Variants in PHLPP1 observed in about 807,000 individuals in gnomAD.
PHLPP1 encodes PH domain leucine-rich repeat-containing protein phosphatase 1.
A neutral mutation model predicts 117.2 loss-of-function variants in PHLPP1; 42 were observed. The ratio of observed to expected loss-of-function variants is 0.36; its 90% CI spans 0.28 to 0.46. The LOEUF is 0.46. PHLPP1 is among the 20% of genes least tolerant of loss of function. The pLI is 1.00. For missense variants in PHLPP1, 2,084 were observed against 2,241.9 expected, an observed-to-expected ratio of 0.93 and a Z score of 1.42; for synonymous variants, 1,042 against 970.7, an observed-to-expected ratio of 1.07 and a Z score of -1.37.
rs183402551 is a variant in PHLPP1 at position 62,836,553 on chromosome 18, T to A, written c.1774-2231T>A. Among the ~76,000 whole-genome samples the A allele has an allele frequency of 1.5e-3, 232 of 152,126 alleles. 1 individual carries two copies. Among genetic ancestry groups the A allele is most frequent in the African/African-American group, 5.4e-3 (224 of 41,530 alleles). On this transcript the variant is annotated intron_variant, in intron 2 of 16. Coordinates refer to ENST00000262719, the MANE Select transcript of PHLPP1 (RefSeq NM_194449.4). ...AAATCTTTGTGACCATGGTTACCTGTAAGTTTCCTTTCTGTTACTGTTCTC... is the reference window on the plus strand; with the variant it reads ...AAATCTTTGTGACCATGGTTACCTGAAAGTTTCCTTTCTGTTACTGTTCTC...
chr18:62,853,623 G>A (rs1191894884), intron 3 of PHLPP1, among the ~76,000 whole-genome samples: 2 of 152,116 alleles, frequency 1.3e-5, no homozygotes, highest in African/African-American at 4.8e-5. Flanking sequence ...GCCCCCCTCG[G>A]CCCCACAAAG....
intron 4 of PHLPP1, among the ~76,000 whole-genome samples, chr18:62,879,432 G>A (rs1916122474): frequency 6.6e-6 from 1 of 151,874 alleles, no homozygotes; most frequent in South Asian, 2.1e-4. Context: ...GTGTGTGTGT[G>A]TCAGAGTCTT....
At position 62,943,425 on chromosome 18, in the gene PHLPP1, G is replaced by A. The variant is rs544291175; in HGVS notation, c.3161+1507G>A. 5.9e-5 allele frequency among the ~76,000 whole-genome samples: 9 copies of A among 152,232 alleles called. No homozygotes were observed. In the South Asian group the frequency reaches 1.0e-3, roughly 18 times the overall value. On this transcript the variant is annotated intron_variant, in intron 11 of 16. Coordinates refer to ENST00000262719, the MANE Select transcript of PHLPP1 (RefSeq NM_194449.4). ...TTTTGCCACCTTCTTTTTATGTGGCGAGTTGGAAATTTCTTTAACTTTTTC... is the reference window on the plus strand; with the variant it reads ...TTTTGCCACCTTCTTTTTATGTGGCAAGTTGGAAATTTCTTTAACTTTTTC...
rs1910133604 is a variant in PHLPP1 at position 62,941,710 on chromosome 18, C to T, written c.2961-8C>T. ...TCAATGGCATTTTGTTGCGTTTTGTCATTGTAGCCTGAGATTCCTGAACGC... is the reference window on the plus strand; with the variant it reads ...TCAATGGCATTTTGTTGCGTTTTGTTATTGTAGCCTGAGATTCCTGAACGC... On this transcript the variant is annotated splice_polypyrimidine_tract_variant and splice_region_variant and intron_variant, in intron 10 of 16. Transcript: ENST00000262719. 1.9e-6 allele frequency: 3 copies of T among 1,604,858 alleles called. No homozygotes were observed. The highest frequency in any genetic ancestry group is 1.7e-5 in the Admixed American group (1 of 59,272).
intron 4 of PHLPP1, among the ~76,000 whole-genome samples, chr18:62,878,530 T>G (rs1361527294): frequency 6.6e-6 from 1 of 152,218 alleles, no homozygotes; most frequent in East Asian, 1.9e-4. Flanking sequence ...TCTAAACTAA[T>G]GGAGCTTTGA....
At chr18:62,738,309 T>C (rs915000720) in intron 1 of PHLPP1, among the ~76,000 whole-genome samples, 2 of 152,116 alleles carry the variant, frequency 1.3e-5, no homozygotes, top group African/African-American at 4.8e-5. Context: ...TGAGTTGTGA[T>C]GGTGCCACTG....
In PHLPP1 at chr18:62,895,804, G is replaced by T; in HGVS notation, c.2237G>T (p.Gly746Val). The T allele has an allele frequency of 6.2e-7, 1 of 1,611,292 alleles. No individual in the cohort carries two copies. Among genetic ancestry groups the T allele is most frequent in the Non-Finnish European group, 8.5e-7 (1 of 1,177,494 alleles). ...MHNLQTFLLD[G>V]NFLQSLPAEL... ...AGCTTACAGACATTTTTGTTGGATG[G>T]AAACTTTCTCCAATCCCTTCCTGCT... Residue 746 changes from glycine (G) to valine (V), a missense_variant, in exon 6 of 17, where the codon GGA (glycine) becomes GTA (valine). Physicochemically the swap from Gly to Val is moderately radical, Grantham distance 109. This residue lies in a region of PHLPP1 where 1,365 missense variants were observed against 1,605.9 expected (regional missense o/e 0.85). Transcript: ENST00000262719.
intron 3 of PHLPP1, among the ~76,000 whole-genome samples, chr18:62,847,603 AG>A (rs1461643393): frequency 6.6e-6 from 1 of 152,234 alleles, no homozygotes; most frequent in Admixed American, 6.5e-5. Flanking sequence ...GGCCCTTGTA[AG>A]GTAGTTGACA....
At chr18:62,767,788 GA>G in intron 1 of PHLPP1, among the ~76,000 whole-genome samples, 1 of 152,192 alleles carries the variant, frequency 6.6e-6, no homozygotes. Context: ...TTGTGTTAGA[GA>G]AATTGTGCTG....
At chr18:62,726,239 A>G (rs1016579509) in intron 1 of PHLPP1, among the ~76,000 whole-genome samples, 8 of 151,974 alleles carry the variant, frequency 5.3e-5, no homozygotes, top group Non-Finnish European at 4.4e-5. Context: ...GGGGAAAAAA[A>G]TCTCAATTTA....
At chr18:62,873,369 G>C (rs1365570740) in intron 4 of PHLPP1, among the ~76,000 whole-genome samples, 1 of 152,174 alleles carries the variant, frequency 6.6e-6, no homozygotes, top group Non-Finnish European at 1.5e-5. Context: ...GTTCTAGTAA[G>C]TACTTGCCAA....
intron 1 of PHLPP1, among the ~76,000 whole-genome samples, chr18:62,726,503 C>T (rs924266647): frequency 6.6e-6 from 1 of 151,472 alleles, no homozygotes; most frequent in African/African-American, 2.4e-5. Context: ...TCTTCTACTC[C>T]AGGATTTTAA....
intron 1 of PHLPP1, 43 bp downstream of exon 1, chr18:62,717,302 C>G (rs765434476): frequency 1.3e-6 from 2 of 1,529,978 alleles, no homozygotes; most frequent in Non-Finnish European, 1.8e-6. Flanking sequence ...CAAAAGCTGC[C>G]GAGGACCGAG....
chr18:62,838,849 T>C lies in PHLPP1; in HGVS notation c.1839T>C (p.Thr613=). 6.2e-7 allele frequency: 1 copy of C among 1,613,844 alleles called. No homozygotes were observed. Among genetic ancestry groups the C allele is most frequent in the Non-Finnish European group, 8.5e-7 (1 of 1,179,758 alleles). Residue 613 remains threonine (T), a synonymous_variant, in exon 3 of 17, where the codon ACT becomes ACC. Transcript: ENST00000262719. The part of the protein sequence containing the change: ...AFSSSGPQSQ[T]YYICFDTFTE... The stretch of plus-strand genomic sequence containing the variant: ...GCTCCTCTGGACCCCAAAGCCAGAC[T>C]TACTACATTTGCTTTGATACTTTCA...
chr18:62,914,579 G>C (rs1001123930), intron 8 of PHLPP1, among the ~76,000 whole-genome samples: 2 of 152,120 alleles, frequency 1.3e-5, no homozygotes, highest in Non-Finnish European at 2.9e-5. Flanking sequence ...TGGGACTATA[G>C]GTGCATGCCA....
chr18:62,913,819 C>T (rs1234247724), intron 8 of PHLPP1, among the ~76,000 whole-genome samples: 1 of 146,572 alleles, frequency 6.8e-6, no homozygotes, highest in East Asian at 2.0e-4. Context: ...TCTTGGCTCA[C>T]GGCAACCTCC....
chr18:62,922,529 T>A lies in PHLPP1; in HGVS notation c.2960+2415T>A, dbSNP rs117482296. Reference sequence around the variant, plus strand: ...TTTTGGTTGTGAATACTATAAAATTTGATTTCTTCTCCTATGGAGAATTAT... The same window carrying A: ...TTTTGGTTGTGAATACTATAAAATTAGATTTCTTCTCCTATGGAGAATTAT... On this transcript the variant is annotated intron_variant, in intron 10 of 16. Coordinates refer to ENST00000262719, the MANE Select transcript of PHLPP1 (RefSeq NM_194449.4). Among the ~76,000 whole-genome samples, 256 of 152,328 alleles carry A rather than the reference T, an allele frequency of 1.7e-3. 8 individuals carry two copies. The East Asian group carries it at 0.04, about 24-fold the overall frequency.
chr18:62,789,721 T>C (rs1334594410), intron 1 of PHLPP1, among the ~76,000 whole-genome samples: 2 of 152,204 alleles, frequency 1.3e-5, no homozygotes, highest in Non-Finnish European at 2.9e-5. Context: ...TGATGCTGTT[T>C]GGAATGCACC....
chr18:62,857,266 GGTGTGT>G (rs1431226348), intron 3 of PHLPP1, among the ~76,000 whole-genome samples: 1 of 150,900 alleles, frequency 6.6e-6, no homozygotes, highest in Non-Finnish European at 1.5e-5. Context: ...AATATATGGA[GGTGTGT>G]GTGTATTGTA....
Sources: gnomAD v4.1 joint callset for allele counts (sites outside exome capture counted in the v4.1 genomes callset) on GRCh38, gnomAD v4.1.1 for gene constraint, gnomAD v4.1.1 regional missense constraint, MANE v1.5 for transcripts, NCBI Gene and HGNC (gene_info 2026-07-23, HGNC 2026-07-21) for gene names.